Variants in RIMS2 observed in about 807,000 individuals in gnomAD.
RIMS2 encodes regulating synaptic membrane exocytosis protein 2.
RIMS2 carries 59 observed loss-of-function variants against 174.4 expected under a neutral mutation model. The ratio of observed to expected loss-of-function variants is 0.34; its 90% CI spans 0.27 to 0.42. The LOEUF is 0.42. RIMS2 is among the 10% of genes least tolerant of loss of function. RIMS2 has a pLI of 1.00. For missense variants in RIMS2, 1,620 were observed against 1,666.3 expected (o/e 0.97, Z 0.48); for synonymous variants, 606 against 572.5 (o/e 1.06, Z -0.84).
intron 1 of RIMS2, among the ~76,000 whole-genome samples, chr8:103,502,704 CTT>C (rs1820933104): frequency 6.6e-6 from 1 of 151,996 alleles, no homozygotes; most frequent in Admixed American, 6.5e-5. Context: ...AATATGTGAA[CTT>C]AATGCCTTTT....
intron 15 of RIMS2, among the ~76,000 whole-genome samples, chr8:103,967,509 T>A (rs559658149): frequency 8.4e-4 from 128 of 151,756 alleles, no homozygotes; most frequent in Non-Finnish European, 1.6e-3. Flanking sequence ...GTTTTGTTTT[T>A]TGAGACAGGG....
intron 1 of RIMS2, among the ~76,000 whole-genome samples, chr8:103,614,646 A>G (rs1404717510): frequency 6.6e-6 from 1 of 152,200 alleles, no homozygotes; most frequent in Non-Finnish European, 1.5e-5. Flanking sequence ...GTATTCTCAA[A>G]TCGTGGTGAG....
At chr8:103,699,718 A>G (rs1222986634) in intron 2 of RIMS2, among the ~76,000 whole-genome samples, 18 of 152,260 alleles carry the variant, frequency 1.2e-4, no homozygotes, top group Non-Finnish European at 2.2e-4. Context: ...ATTAGGGGTC[A>G]CATGCTATAA....
At chr8:103,840,185 T>C (rs1173097152) in intron 3 of RIMS2, among the ~76,000 whole-genome samples, 1 of 152,168 alleles carries the variant, frequency 6.6e-6, no homozygotes, top group African/African-American at 2.4e-5. Context: ...AATTATTTCA[T>C]AATAATGTAA....
At chr8:104,017,396 A>G (rs759685709) in intron 19 of RIMS2, among the ~76,000 whole-genome samples, 7 of 151,950 alleles carry the variant, frequency 4.6e-5, no homozygotes, top group Non-Finnish European at 8.8e-5. Flanking sequence ...GATTTTGATT[A>G]TTTTATATTT....
intron 1 of RIMS2, among the ~76,000 whole-genome samples, chr8:103,577,586 T>G (rs138848332): frequency 5.3e-5 from 8 of 152,330 alleles, no homozygotes; most frequent in Admixed American, 4.6e-4. Flanking sequence ...ATTCTGTACA[T>G]GTATCCCAGA....
At chr8:104,103,133 A>G (rs1193559939) in intron 19 of RIMS2, among the ~76,000 whole-genome samples, 1 of 152,202 alleles carries the variant, frequency 6.6e-6, no homozygotes, top group Non-Finnish European at 1.5e-5. Context: ...GAAAGGCACA[A>G]AAGGCCATAT....
At chr8:103,861,050 G>A (rs2154499797) in intron 3 of RIMS2, among the ~76,000 whole-genome samples, 1 of 151,986 alleles carries the variant, frequency 6.6e-6, no homozygotes, top group East Asian at 1.9e-4. Context: ...TTGCATAATG[G>A]TGAGGTTTGG....
intron 1 of RIMS2, among the ~76,000 whole-genome samples, chr8:103,578,929 G>C (rs1381976364): frequency 2.6e-5 from 4 of 151,834 alleles, no homozygotes; most frequent in Non-Finnish European, 4.4e-5. Context: ...GGTGGAGGTT[G>C]CACTGAGCTG....
chr8:103,728,513 A>G (rs1052668556), intron 2 of RIMS2, among the ~76,000 whole-genome samples: 1 of 152,030 alleles, frequency 6.6e-6, no homozygotes, highest in African/African-American at 2.4e-5. Context: ...TTCCAGATCT[A>G]AGGGGAAATG....
intron 1 of RIMS2, among the ~76,000 whole-genome samples, chr8:103,587,753 C>A (rs2094034276): frequency 6.6e-6 from 1 of 151,972 alleles, no homozygotes; most frequent in Non-Finnish European, 1.5e-5. Flanking sequence ...ATGGAAGGAG[C>A]ATACTTCAAC....
chr8:103,991,579 AT>A (rs1565721423), intron 17 of RIMS2, among the ~76,000 whole-genome samples: 1 of 152,078 alleles, frequency 6.6e-6, no homozygotes, highest in Admixed American at 6.6e-5. Context: ...CATGAATAGC[AT>A]TTTAATCAAT....
chr8:103,923,837 C>G (rs2078202295), intron 10 of RIMS2, among the ~76,000 whole-genome samples: 1 of 151,510 alleles, frequency 6.6e-6, no homozygotes, highest in Admixed American at 6.6e-5. Context: ...ATAAAATCAC[C>G]TATAATCCTG....
intron 19 of RIMS2, among the ~76,000 whole-genome samples, chr8:104,035,298 T>G (rs1394270043): frequency 6.6e-6 from 1 of 152,076 alleles, no homozygotes; most frequent in Admixed American, 6.6e-5. Flanking sequence ...TTTGCTGATA[T>G]ACTGTATGAT....
intron 19 of RIMS2, among the ~76,000 whole-genome samples, chr8:104,054,258 T>G (rs1171434407): frequency 6.6e-6 from 1 of 152,128 alleles, no homozygotes; most frequent in Non-Finnish European, 1.5e-5. Flanking sequence ...ACATTTAGGA[T>G]ACATTCCTTT....
intron 3 of RIMS2, among the ~76,000 whole-genome samples, chr8:103,852,791 T>C (rs2099006448): frequency 6.6e-6 from 1 of 152,142 alleles, no homozygotes; most frequent in African/African-American, 2.4e-5. Context: ...CCACATTTTC[T>C]TTATCCAATC....
intron 3 of RIMS2, among the ~76,000 whole-genome samples, chr8:103,791,997 C>A (rs2098503584): frequency 6.6e-6 from 1 of 152,102 alleles, no homozygotes; most frequent in Non-Finnish European, 1.5e-5. Context: ...CCACTGTCAA[C>A]AAGAGACAGA....
chr8:104,044,778 T>C (rs578132184), intron 19 of RIMS2, among the ~76,000 whole-genome samples: 1 of 151,610 alleles, frequency 6.6e-6, no homozygotes, highest in Non-Finnish European at 1.5e-5. Context: ...CCTAATACTG[T>C]AAGGGAGACA....
At chr8:103,819,452 A>C in intron 3 of RIMS2, 1 of 1,602,414 alleles carries the variant, frequency 6.2e-7, no homozygotes, top group Non-Finnish European at 8.5e-7. Flanking sequence ...CAAATAGATG[A>C]TTTTAAAGAC....
Sources: gnomAD v4.1 joint callset for allele counts (sites outside exome capture counted in the v4.1 genomes callset) on GRCh38, gnomAD v4.1.1 for gene constraint, MANE v1.5 for transcripts, NCBI Gene and HGNC (gene_info 2026-07-23, HGNC 2026-07-21) for gene names.